RBX1: variants seen among roughly 807,000 people sequenced by gnomAD.
RBX1 encodes E3 ubiquitin-protein ligase RBX1.
For missense variants in RBX1, 46 were observed against 141.4 expected (o/e 0.33, Z 3.42); for synonymous variants, 48 against 47.9 (o/e 1.00, Z -0.01).
Position 40,973,166 on chromosome 22 carries a change from G to C in RBX1, c.*678G>C, listed in dbSNP as rs1474777586. ...TTTTGCCACCAGGGATTGGTTTCAT[G>C]GAAGACGATTTTTCCATGGACCGGG... On this transcript the variant is annotated 3_prime_UTR_variant, in exon 5 of 5. Coordinates refer to ENST00000216225, the MANE Select transcript of RBX1 (RefSeq NM_014248.4). 1 of 152,266 alleles carries C rather than the reference G, an allele frequency of 6.6e-6. No individual in the cohort carries two copies. The highest frequency in any genetic ancestry group is 1.5e-5 in the Non-Finnish European group (1 of 68,128). 9.4% of individuals were successfully genotyped at this position (152,266 alleles called of 1,614,324 possible). A position where few individuals can be genotyped will look rare whatever the true frequency, so the allele number is the denominator to read the frequency against.
At chr22:40,966,537 A>G (rs2058354923) in intron 3 of RBX1, 1 of 152,198 alleles carries the variant, frequency 6.6e-6, no homozygotes, top group Admixed American at 6.6e-5. Flanking sequence ...TGAGTTATAC[A>G]AGAGTCAGCT....
chr22:40,960,669 T>C (rs1432956713), intron 2 of RBX1, among the ~76,000 whole-genome samples: 1 of 152,160 alleles, frequency 6.6e-6, no homozygotes, highest in African/African-American at 2.4e-5. Flanking sequence ...TTAAAGGACA[T>C]CATATTTACT....
chr22:40,952,688 A>C (rs1344524278), intron 1 of RBX1, among the ~76,000 whole-genome samples: 1 of 125,816 alleles, frequency 7.9e-6, no homozygotes, highest in Non-Finnish European at 1.7e-5. Context: ...AAAAGTTGAG[A>C]ACATCAGTTT....
intron 2 of RBX1, among the ~76,000 whole-genome samples, chr22:40,959,468 G>A (rs1240637863): frequency 1.3e-5 from 2 of 152,164 alleles, no homozygotes; most frequent in Non-Finnish European, 2.9e-5. Flanking sequence ...CTAGATTGCA[G>A]TAATATCCCT....
intron 4 of RBX1, among the ~76,000 whole-genome samples, chr22:40,970,316 A>C (rs2146304547): frequency 6.6e-6 from 1 of 151,784 alleles, no homozygotes; most frequent in Middle Eastern, 3.4e-3. Context: ...AGATCACGCC[A>C]CATCAGCCGG....
intron 4 of RBX1, among the ~76,000 whole-genome samples, chr22:40,970,046 C>A (rs2058364637): frequency 7.3e-6 from 1 of 136,762 alleles, no homozygotes; most frequent in Admixed American, 7.5e-5. Context: ...AGGTAATAGA[C>A]CCAATTTAAA....
At chr22:40,954,736 CTTT>C (rs759762135) in intron 2 of RBX1, among the ~76,000 whole-genome samples, 1 of 142,756 alleles carries the variant, frequency 7.0e-6, no homozygotes, top group African/African-American at 2.6e-5. Context: ...TACCTGGATG[CTTT>C]TTTTTTTTTT....
chr22:40,957,633 ATC>A (rs1290040682), intron 2 of RBX1, among the ~76,000 whole-genome samples: 1 of 152,130 alleles, frequency 6.6e-6, no homozygotes, highest in Non-Finnish European at 1.5e-5. Flanking sequence ...GTGAGACCCT[ATC>A]TCAAAAAGAG....
Position 40,972,702 on chromosome 22 carries a change from T to C in RBX1, c.*214T>C, listed in dbSNP as rs2058372349. On this transcript the variant is annotated 3_prime_UTR_variant, in exon 5 of 5. Coordinates refer to ENST00000216225, the MANE Select transcript of RBX1 (RefSeq NM_014248.4). ...CTTGTGTATGTGAACAAAGTGAACA[T>C]AAATGAAGAGTCTCCCCTTCCAAGG... 3 of 519,642 alleles carry C rather than the reference T, an allele frequency of 5.8e-6. No individual in the cohort carries two copies. The highest frequency in any genetic ancestry group is 7.0e-6 in the Non-Finnish European group (2 of 287,066). 32.2% of individuals were successfully genotyped at this position (519,642 alleles called of 1,614,324 possible).
In RBX1 at chr22:40,972,549, G is replaced by A. The variant is rs2058371912; in HGVS notation, c.*61G>A. The A allele has an allele frequency of 1.5e-6, 2 of 1,353,140 alleles. No homozygotes were observed. The highest frequency in any genetic ancestry group is 1.8e-5 in the Admixed American group (1 of 56,148). 83.8% of individuals were successfully genotyped at this position (1,353,140 alleles called of 1,614,324 possible). A position where few individuals can be genotyped will look rare whatever the true frequency, so the allele number is the denominator to read the frequency against. On this transcript the variant is annotated 3_prime_UTR_variant, in exon 5 of 5. Coordinates refer to ENST00000216225, the MANE Select transcript of RBX1 (RefSeq NM_014248.4). ...TATTCATTTAATGACTTTCCCTGCT[G>A]TTACCTAATTACAAATTGGATGGAA...
At position 40,957,950 on chromosome 22, in the gene RBX1, G is replaced by A. The variant is rs2003733; in HGVS notation, c.157+4317G>A. On this transcript the variant is annotated intron_variant, in intron 2 of 4. Transcript: ENST00000216225. Reference sequence around the variant, plus strand: ...AACAATTCTCCTGCCTCAGCTTCCCGAGTAGCTGGGATTACAGGTACCCGC... The same window carrying A: ...AACAATTCTCCTGCCTCAGCTTCCCAAGTAGCTGGGATTACAGGTACCCGC... 4.4e-3 allele frequency among the ~76,000 whole-genome samples: 671 copies of A among 151,708 alleles called. 44 individuals are homozygous for A. In the East Asian group the frequency reaches 0.12, roughly 27 times the overall value.
At chr22:40,967,146 T>A (rs1352592328) in intron 3 of RBX1, 1 of 152,204 alleles carries the variant, frequency 6.6e-6, no homozygotes, top group African/African-American at 2.4e-5. Flanking sequence ...CAATTTTCTT[T>A]TATCTCATTC....
At chr22:40,952,459 G>A (rs2058313744) in intron 1 of RBX1, among the ~76,000 whole-genome samples, 1 of 152,142 alleles carries the variant, frequency 6.6e-6, no homozygotes, top group Non-Finnish European at 1.5e-5. Flanking sequence ...CTCAGTTACA[G>A]CCAGCAGCCA....
chr22:40,957,451 G>T (rs111298861), intron 2 of RBX1, among the ~76,000 whole-genome samples: 58,636 of 151,276 alleles, frequency 0.39, 13,147 homozygotes, highest in East Asian at 0.74. Context: ...TTCAAGACCA[G>T]CCTGGGCAAC....
chr22:40,962,093 T>G (rs529280606), intron 2 of RBX1, among the ~76,000 whole-genome samples: 1 of 151,858 alleles, frequency 6.6e-6, no homozygotes, highest in Non-Finnish European at 1.5e-5. Context: ...CTTTTATGGT[T>G]TGTTTGTTTG....
At chr22:40,955,901 A>C (rs577525016) in intron 2 of RBX1, among the ~76,000 whole-genome samples, 47 of 152,338 alleles carry the variant, frequency 3.1e-4, no homozygotes, top group African/African-American at 1.1e-3. Context: ...ACAGAAAAAC[A>C]TATGCAGGGT....
intron 4 of RBX1, among the ~76,000 whole-genome samples, chr22:40,971,925 C>G (rs2058370208): frequency 1.3e-5 from 2 of 152,144 alleles, no homozygotes; most frequent in Admixed American, 1.3e-4. Context: ...CCTCCAAAAT[C>G]CACGCCTAGC....
intron 4 of RBX1, 46 bp downstream of exon 4, chr22:40,967,930 G>A (rs758691314): frequency 7.4e-7 from 1 of 1,345,802 alleles, no homozygotes; most frequent in South Asian, 1.2e-5. Context: ...ACTTGCCTCA[G>A]GCTGAAAGGA....
At chr22:40,952,059 T>G (rs116807809) in intron 1 of RBX1, among the ~76,000 whole-genome samples, 1 of 152,148 alleles carries the variant, frequency 6.6e-6, no homozygotes, top group Non-Finnish European at 1.5e-5. Flanking sequence ...TTGGCTCTTC[T>G]GAGACGTCTG....
Sources: gnomAD v4.1 joint callset for allele counts (sites outside exome capture counted in the v4.1 genomes callset) on GRCh38, gnomAD v4.1.1 for gene constraint, MANE v1.5 for transcripts, NCBI Gene and HGNC (gene_info 2026-07-23, HGNC 2026-07-21) for gene names.